Variants in RTF2 observed in about 807,000 individuals in gnomAD.
The protein encoded by RTF2 is replication termination factor 2.
Under a neutral mutation model 38.0 loss-of-function variants are expected in RTF2, and 18 were observed. The observed-to-expected ratio is 0.47, with a 90% CI of 0.33 to 0.70. The LOEUF is 0.70. RTF2 is among the 30% of genes least tolerant of loss of function. The probability of loss-of-function intolerance (pLI) is 0.02; values close to 1 mark genes in which losing one functional copy is unlikely to be tolerated. For synonymous variants in RTF2, 126 were observed against 137.1 expected, an observed-to-expected ratio of 0.92 and a Z score of 0.57; for missense variants, 311 against 379.6, an observed-to-expected ratio of 0.82 and a Z score of 1.50.
At chr20:56,495,589 G>T (rs545660559) in intron 5 of RTF2, among the ~76,000 whole-genome samples, 1 of 152,246 alleles carries the variant, frequency 6.6e-6, no homozygotes, top group Admixed American at 6.5e-5. Flanking sequence ...TCCACCCCTT[G>T]TTACTCCCTT....
intron 5 of RTF2, among the ~76,000 whole-genome samples, chr20:56,503,067 G>A (rs1052863390): frequency 6.6e-5 from 10 of 152,168 alleles, no homozygotes; most frequent in Admixed American, 1.3e-4. Flanking sequence ...ACTCACCCTC[G>A]GGGTAATGCG....
intron 5 of RTF2, among the ~76,000 whole-genome samples, chr20:56,506,567 C>T (rs2146363550): frequency 6.6e-6 from 1 of 152,228 alleles, no homozygotes; most frequent in Non-Finnish European, 1.5e-5. Context: ...TTTAAAAATA[C>T]TTTAAAAAAG....
At chr20:56,472,891 G>A (rs1458692285) in intron 1 of RTF2, among the ~76,000 whole-genome samples, 1 of 152,148 alleles carries the variant, frequency 6.6e-6, no homozygotes, top group Admixed American at 6.5e-5. Flanking sequence ...TTCAATACCA[G>A]CAGTTTGGGT....
chr20:56,483,752 T>C lies in RTF2; in HGVS notation c.399-359T>C, dbSNP rs184460773. The stretch of plus-strand genomic sequence containing the variant: ...TTATATATTTTTTGTACGAACTGCA[T>C]GTTAGTCCTCTTTGGCCATTTTTCT... On this transcript the variant is annotated intron_variant, in intron 4 of 8. Coordinates refer to ENST00000357348, the MANE Select transcript of RTF2 (RefSeq NM_016407.5). Among the ~76,000 whole-genome samples the C allele has an allele frequency of 4.1e-3, 619 of 152,336 alleles. 4 individuals are homozygous for C. The highest frequency in any genetic ancestry group is 0.014 in the African/African-American group (584 of 41,572).
intron 5 of RTF2, among the ~76,000 whole-genome samples, chr20:56,501,932 C>T (rs1983954802): frequency 6.6e-6 from 1 of 152,154 alleles, no homozygotes; most frequent in Non-Finnish European, 1.5e-5. Flanking sequence ...TTTTCGTGCA[C>T]TGTCTTTCCT....
intron 5 of RTF2, among the ~76,000 whole-genome samples, chr20:56,503,743 A>G (rs949531749): frequency 1.3e-5 from 2 of 152,178 alleles, no homozygotes; most frequent in African/African-American, 4.8e-5. Flanking sequence ...TGGGTGGATC[A>G]CTTGAGGTCA....
intron 4 of RTF2, among the ~76,000 whole-genome samples, chr20:56,479,431 G>T (rs547250958): frequency 2.0e-5 from 3 of 152,058 alleles, no homozygotes; most frequent in African/African-American, 7.2e-5. Flanking sequence ...TACCATATTG[G>T]CCGGGCTGGT....
At chr20:56,493,261 A>G (rs189769690) in intron 5 of RTF2, among the ~76,000 whole-genome samples, 6 of 152,338 alleles carry the variant, frequency 3.9e-5, no homozygotes, top group Admixed American at 2.0e-4. Flanking sequence ...TTCTAAGACT[A>G]TGTAAGTGGC....
chr20:56,513,248 G>A (rs1984804855), intron 5 of RTF2, 67 bp from the exon 6 acceptor site: 4 of 1,541,162 alleles, frequency 2.6e-6, no homozygotes, highest in Admixed American at 3.9e-5. Context: ...CTGAGAGTGG[G>A]GGACTGAAGC....
intron 1 of RTF2, among the ~76,000 whole-genome samples, chr20:56,472,646 T>C (rs1982032810): frequency 1.3e-5 from 2 of 152,236 alleles, no homozygotes; most frequent in South Asian, 4.1e-4. Context: ...GGCTTTCCCA[T>C]TGTTAGAAAT....
chr20:56,493,176 A>C (rs985464256), intron 5 of RTF2, among the ~76,000 whole-genome samples: 6 of 151,944 alleles, frequency 3.9e-5, no homozygotes, highest in African/African-American at 1.5e-4. Flanking sequence ...CTCCATCTCC[A>C]AAAAAAACCT....
In RTF2 at chr20:56,477,112, A is replaced by G. The variant is rs1437334231; in HGVS notation, c.386A>G (p.Asn129Ser). ...FICPVVGLEM[N>S]GRHRFCFLRC... ...TGCCCCGTTGTGGGCCTGGAGATGA[A>G]CGGCCGACACAGGTTAGTGACGGAC... Residue 129 changes from asparagine (N) to serine (S), a missense_variant, in exon 4 of 9, where the codon AAC becomes AGC. Transcript: ENST00000357348. The G allele has an allele frequency of 6.2e-7, 1 of 1,613,672 alleles. No homozygotes were observed. The highest frequency in any genetic ancestry group is 8.5e-7 in the Non-Finnish European group (1 of 1,179,850).
intron 4 of RTF2, among the ~76,000 whole-genome samples, chr20:56,482,888 C>T (rs1186200733): frequency 6.6e-6 from 1 of 152,182 alleles, no homozygotes; most frequent in African/African-American, 2.4e-5. Context: ...CACCACACAC[C>T]CATATCCACG....
In RTF2 at chr20:56,468,629, G is replaced by A. The variant is rs1981798918; in HGVS notation, c.-69G>A. ...ACGGCGGTGCGCCGGAAGTGGCTGC[G>A]GATTTCGCCGGAAATCCCGGAAGTG... On this transcript the variant is annotated 5_prime_UTR_variant, in exon 1 of 9. Transcript: ENST00000357348. 3 of 1,439,812 alleles carry A rather than the reference G, an allele frequency of 2.1e-6. No individual in the cohort carries two copies. Among genetic ancestry groups the A allele is most frequent in the Non-Finnish European group, 2.9e-6 (3 of 1,047,474 alleles). The allele number at this position is 1,439,812 out of a possible 1,614,324, so 89.2% of individuals were successfully genotyped here.
chr20:56,489,904 C>T (rs529780266), intron 5 of RTF2, among the ~76,000 whole-genome samples: 2 of 152,332 alleles, frequency 1.3e-5, no homozygotes, highest in African/African-American at 2.4e-5. Context: ...AGCCAGCTAT[C>T]GCCTTTGGGG....
Position 56,468,692 on chromosome 20 carries a change from C to A in RTF2, c.-6C>A, listed in dbSNP as rs1487386259. On this transcript the variant is annotated 5_prime_UTR_variant, in exon 1 of 9. Transcript: ENST00000357348. The stretch of plus-strand genomic sequence containing the variant: ...GTTTGCTGCTGGCTCTGACTCCCGT[C>A]CTGCGATGGGTTGCGACGGGGGAAC... 8 of 1,575,316 alleles carry A rather than the reference C, an allele frequency of 5.1e-6. No individual in the cohort carries two copies. Among genetic ancestry groups the A allele is most frequent in the Non-Finnish European group, 6.9e-6 (8 of 1,160,730 alleles).
chr20:56,489,794 C>T (rs1243503789), intron 5 of RTF2, among the ~76,000 whole-genome samples: 2 of 152,148 alleles, frequency 1.3e-5, no homozygotes, highest in African/African-American at 4.8e-5. Flanking sequence ...TTTATTGTTC[C>T]TTTAATGGGG....
chr20:56,475,449 G>C (rs1191198555), intron 3 of RTF2, among the ~76,000 whole-genome samples: 1 of 152,050 alleles, frequency 6.6e-6, no homozygotes, highest in Non-Finnish European at 1.5e-5. Context: ...GTATTATTAG[G>C]CTTTTTGTTC....
At chr20:56,483,749 G>A (rs567334710) in intron 4 of RTF2, among the ~76,000 whole-genome samples, 24 of 152,182 alleles carry the variant, frequency 1.6e-4, no homozygotes, top group Admixed American at 6.5e-4. Flanking sequence ...TGTACGAACT[G>A]CATGTTAGTC....
Sources: gnomAD v4.1 joint callset for allele counts (sites outside exome capture counted in the v4.1 genomes callset) on GRCh38, gnomAD v4.1.1 for gene constraint, MANE v1.5 for transcripts, NCBI Gene and HGNC (gene_info 2026-07-23, HGNC 2026-07-21) for gene names.